The following AXDND1 variants were observed in gnomAD, a reference collection of about 807,000 sequenced individuals.
AXDND1 encodes the protein axonemal dynein light chain domain containing 1, also known as axonemal dynein light chain domain-containing protein 1.
A neutral mutation model predicts 137.5 loss-of-function variants in AXDND1; 110 were observed. The ratio of observed to expected loss-of-function variants is 0.80; its 90% CI spans 0.69 to 0.94. The LOEUF (loss-of-function observed/expected upper bound fraction) is 0.94. Among genes scored for constraint, AXDND1 ranks in the 40% least tolerant of loss-of-function variants. AXDND1 has a pLI of 0.00. For missense variants in AXDND1, 1,191 were observed against 1,169.8 expected, an observed-to-expected ratio of 1.02 and a Z score of -0.26; for synonymous variants, 414 against 399.7, an observed-to-expected ratio of 1.04 and a Z score of -0.43.
At chr1:179,414,082 A>AT (rs1239824672) in intron 12 of AXDND1, among the ~76,000 whole-genome samples, 1 of 152,234 alleles carries the variant, frequency 6.6e-6, no homozygotes, top group African/African-American at 2.4e-5. Flanking sequence ...TAAATATACA[A>AT]TTTTTTAACA....
chr1:179,484,186 T>G (rs11585043), intron 18 of AXDND1, among the ~76,000 whole-genome samples: 83,602 of 151,994 alleles, frequency 0.55, 23,265 homozygotes, highest in East Asian at 0.76. Context: ...GACAGCAGGA[T>G]ATCCCAGGAC....
At chr1:179,387,347 G>A (rs1437512678) in intron 9 of AXDND1, among the ~76,000 whole-genome samples, 1 of 152,162 alleles carries the variant, frequency 6.6e-6, no homozygotes, top group East Asian at 1.9e-4. Context: ...GAAAGTGAGA[G>A]GGTGAGAGAG....
chr1:179,389,644 C>T (rs1199645187), intron 9 of AXDND1, among the ~76,000 whole-genome samples: 1 of 152,170 alleles, frequency 6.6e-6, no homozygotes, highest in South Asian at 2.1e-4. Context: ...AACTCCCACT[C>T]CATTTCTAAC....
At chr1:179,466,276 C>CTTTTTTTT (rs1558222697) in intron 16 of AXDND1, among the ~76,000 whole-genome samples, 1 of 121,364 alleles carries the variant, frequency 8.2e-6, no homozygotes, top group Non-Finnish European at 1.7e-5. Flanking sequence ...TTTCTTTCTT[C>CTTTTTTTT]TTCTTCTTCT....
intron 21 of AXDND1, among the ~76,000 whole-genome samples, chr1:179,515,698 A>G (rs1193276947): frequency 2.0e-5 from 3 of 152,154 alleles, no homozygotes; most frequent in Non-Finnish European, 2.9e-5. Context: ...TTTCTTCCTC[A>G]GGAACATCAA....
chr1:179,524,074 C>T (rs1670318500), intron 21 of AXDND1, among the ~76,000 whole-genome samples: 1 of 152,102 alleles, frequency 6.6e-6, no homozygotes, highest in Admixed American at 6.6e-5. Flanking sequence ...ACCACATTTT[C>T]TTTATTCACT....
Position 179,509,511 on chromosome 1 carries a change from C to A in AXDND1, c.2496+108C>A. ...ATGTTCTGAATCCTTGTTCATTTAC[C>A]CTAACATATGAGAATTTTGGTTCTG... On this transcript the variant is annotated intron_variant, in intron 21 of 25. Transcript: ENST00000367618. 4 of 706,614 alleles carry A rather than the reference C, an allele frequency of 5.7e-6. No homozygotes were observed. The South Asian group carries it at 8.2e-5, about 15-fold the overall frequency. 43.8% of individuals were successfully genotyped at this position (706,614 alleles called of 1,614,324 possible).
chr1:179,507,344 C>T lies in AXDND1; in HGVS notation c.2389-1952C>T, dbSNP rs1668632453. On this transcript the variant is annotated intron_variant, in intron 20 of 25. Coordinates refer to ENST00000367618, the MANE Select transcript of AXDND1 (RefSeq NM_144696.6). ...TAAAAGACTCCTAATAATTTTTTTC[C>T]TCATCAGAAGTCTTATGACAGTATC... Among the ~76,000 whole-genome samples the T allele has an allele frequency of 2.0e-5, 3 of 152,024 alleles. No individual in the cohort carries two copies. In the South Asian group the frequency reaches 6.2e-4, roughly 32 times the overall value.
intron 15 of AXDND1, among the ~76,000 whole-genome samples, chr1:179,443,083 T>C (rs1659236684): frequency 6.6e-6 from 1 of 152,180 alleles, no homozygotes; most frequent in Non-Finnish European, 1.5e-5. Flanking sequence ...AGGTGCTAGA[T>C]TTCTCAATAG....
At chr1:179,460,047 A>G (rs1341745994) in intron 16 of AXDND1, among the ~76,000 whole-genome samples, 1 of 75,982 alleles carries the variant, frequency 1.3e-5, no homozygotes, top group Non-Finnish European at 2.7e-5. Context: ...TATTTTCTTT[A>G]TTATTATTCT....
chr1:179,540,273 A>C (rs534749769), intron 25 of AXDND1, among the ~76,000 whole-genome samples: 2 of 152,122 alleles, frequency 1.3e-5, no homozygotes, highest in South Asian at 4.2e-4. Context: ...GATAAGAGGC[A>C]TTCTGGTTTT....
chr1:179,462,064 C>A (rs1415572044), intron 16 of AXDND1, among the ~76,000 whole-genome samples: 1 of 152,132 alleles, frequency 6.6e-6, no homozygotes, highest in East Asian at 1.9e-4. Context: ...TTGCCCTGGC[C>A]ATAATTTCCA....
At chr1:179,368,679 T>C (rs755988572) in intron 2 of AXDND1, 121 bp from the exon 3 acceptor site, 15 of 780,168 alleles carry the variant, frequency 1.9e-5, no homozygotes, top group African/African-American at 3.5e-5. Context: ...ACTATCTTTG[T>C]CAAATAGAAG....
chr1:179,444,574 A>G (rs1659460395), intron 15 of AXDND1, among the ~76,000 whole-genome samples: 1 of 151,688 alleles, frequency 6.6e-6, no homozygotes, highest in Non-Finnish European at 1.5e-5. Flanking sequence ...TGAATAAAAT[A>G]CAACTTGTAT....
At chr1:179,448,601 G>A (rs754352276) in intron 16 of AXDND1, 23 of 274,476 alleles carry the variant, frequency 8.4e-5, no homozygotes, top group Non-Finnish European at 1.4e-4. Flanking sequence ...TCCTGGGCAC[G>A]CACACGCTGC....
chr1:179,448,476 A>G, intron 16 of AXDND1: 1 of 446,178 alleles, frequency 2.2e-6, no homozygotes, highest in East Asian at 5.8e-5. Context: ...TATATTCCAA[A>G]TATTTAATAT....
At chr1:179,501,781 A>G (rs983409932) in intron 20 of AXDND1, among the ~76,000 whole-genome samples, 5 of 152,164 alleles carry the variant, frequency 3.3e-5, no homozygotes, top group African/African-American at 1.2e-4. Flanking sequence ...TATAGGAGAG[A>G]TGAAATGAGA....
intron 25 of AXDND1, among the ~76,000 whole-genome samples, chr1:179,537,905 C>T (rs1174470771): frequency 1.3e-5 from 2 of 152,092 alleles, no homozygotes; most frequent in Non-Finnish European, 2.9e-5. Flanking sequence ...TTGACGTCTT[C>T]CTGGTTTAGT....
intron 25 of AXDND1, among the ~76,000 whole-genome samples, chr1:179,537,997 T>C (rs1671725498): frequency 6.6e-6 from 1 of 152,238 alleles, no homozygotes; most frequent in Admixed American, 6.5e-5. Context: ...TTTATAGTAT[T>C]GTCTGATGGT....
Sources: allele counts gnomAD v4.1 joint callset (sites outside exome capture counted in the v4.1 genomes callset), GRCh38; gene constraint gnomAD v4.1.1; transcripts MANE v1.5; gene names NCBI Gene and HGNC (gene_info 2026-07-23, HGNC 2026-07-21).